The following GRIK2 variants were observed in gnomAD, a reference collection of about 807,000 sequenced individuals.
GRIK2 encodes glutamate receptor ionotropic, kainate 2.
A neutral mutation model predicts 100.3 loss-of-function variants in GRIK2; 32 were observed. The ratio of observed to expected loss-of-function variants is 0.32; its 90% confidence interval spans 0.24 to 0.43. The LOEUF is 0.43. Ranked by LOEUF, GRIK2 falls within the 20% of genes least tolerant of loss-of-function variation. The pLI is 1.00. For synonymous variants in GRIK2, 417 were observed against 389.4 expected, an observed-to-expected ratio of 1.07 and a Z score of -0.83; for missense variants, 843 against 1,114.9, an observed-to-expected ratio of 0.76 and a Z score of 3.47.
intron 2 of GRIK2, among the ~76,000 whole-genome samples, chr6:101,530,774 C>G (rs1264011582): frequency 6.6e-6 from 1 of 151,878 alleles, no homozygotes; most frequent in Admixed American, 6.6e-5. Flanking sequence ...CAATAATCTA[C>G]AGAGGCAAAC....
chr6:101,478,512 T>G (rs1438012715), intron 2 of GRIK2, among the ~76,000 whole-genome samples: 2 of 148,906 alleles, frequency 1.3e-5, no homozygotes, highest in African/African-American at 4.9e-5. Flanking sequence ...TTTGGTTTTT[T>G]TTTTTTTTTT....
intron 16 of GRIK2, among the ~76,000 whole-genome samples, chr6:102,056,934 C>T (rs1380146496): frequency 1.3e-5 from 2 of 151,902 alleles, no homozygotes; most frequent in African/African-American, 4.8e-5. Context: ...GATTTGTTTT[C>T]ACAACACATT....
intron 14 of GRIK2, among the ~76,000 whole-genome samples, chr6:101,961,916 C>T (rs1297358703): frequency 6.6e-6 from 1 of 152,120 alleles, no homozygotes; most frequent in East Asian, 1.9e-4. Context: ...ATGTGCCCAA[C>T]TGGTATGGCA....
intron 11 of GRIK2, among the ~76,000 whole-genome samples, chr6:101,884,158 C>T (rs73496645): frequency 0.064 from 9,742 of 152,076 alleles, 759 homozygotes; most frequent in African/African-American, 0.19. Context: ...TCACATTATG[C>T]ATTGTGGAGA....
chr6:101,407,001 A>G (rs1027633721), intron 2 of GRIK2, among the ~76,000 whole-genome samples: 1 of 152,158 alleles, frequency 6.6e-6, no homozygotes, highest in Non-Finnish European at 1.5e-5. Context: ...GCTCAGTCTC[A>G]GTCTAAGTCC....
At chr6:101,590,333 C>CA (rs745353022) in intron 2 of GRIK2, among the ~76,000 whole-genome samples, 42 of 152,168 alleles carry the variant, frequency 2.8e-4, no homozygotes, top group South Asian at 1.9e-3. Flanking sequence ...CATTGGAGAG[C>CA]AATGTACAGT....
chr6:101,394,785 C>G (rs1172643894), intron 1 of GRIK2, among the ~76,000 whole-genome samples: 2 of 152,140 alleles, frequency 1.3e-5, no homozygotes, highest in African/African-American at 4.8e-5. Flanking sequence ...ACCAAGGCAG[C>G]CTATCAACTT....
At chr6:101,528,489 T>C (rs1425756680) in intron 2 of GRIK2, among the ~76,000 whole-genome samples, 1 of 152,094 alleles carries the variant, frequency 6.6e-6, no homozygotes, top group African/African-American at 2.4e-5. Context: ...ACTTTTTAGG[T>C]TTTCAAATTT....
At chr6:101,661,510 G>A (rs1769610103) in intron 4 of GRIK2, among the ~76,000 whole-genome samples, 1 of 151,998 alleles carries the variant, frequency 6.6e-6, no homozygotes, top group Non-Finnish European at 1.5e-5. Context: ...CATTGCAGGT[G>A]TCACTGTGGT....
chr6:102,031,327 C>T (rs1420953830), intron 14 of GRIK2, among the ~76,000 whole-genome samples: 2 of 151,232 alleles, frequency 1.3e-5, no homozygotes, highest in African/African-American at 4.8e-5. Flanking sequence ...CTCACTGCTC[C>T]TATGATTAAG....
rs1444260399 is a variant in GRIK2, at chr6:101,572,756, T to C, written c.116-49193T>C. Among the ~76,000 whole-genome samples the C allele has an allele frequency of 3.3e-4, 42 of 126,822 alleles. 1 individual carries two copies. Among genetic ancestry groups the C allele is most frequent in the African/African-American group, 1.1e-3 (25 of 22,476 alleles). The allele number at this position is 126,822 out of a possible 152,430, so 83.2% of individuals were successfully genotyped here. On this transcript the variant is annotated intron_variant, in intron 2 of 16. Transcript: ENST00000369134. Reference sequence around the variant, plus strand: ...TCTTGTACTTGGCCTCAGTTTCTTTTTTTTTTTTTTTTTTTAGAATCACTT... The same window carrying C: ...TCTTGTACTTGGCCTCAGTTTCTTTCTTTTTTTTTTTTTTTAGAATCACTT...
chr6:102,023,715 T>C (rs1049285284), intron 14 of GRIK2, among the ~76,000 whole-genome samples: 2 of 151,484 alleles, frequency 1.3e-5, no homozygotes, highest in Admixed American at 1.3e-4. Context: ...CTCTTGTTAG[T>C]ACCACTTTTT....
chr6:101,519,487 C>T (rs1440502689), intron 2 of GRIK2, among the ~76,000 whole-genome samples: 1 of 151,948 alleles, frequency 6.6e-6, no homozygotes, highest in Non-Finnish European at 1.5e-5. Context: ...CACAGTGTTC[C>T]TTGAGTCACA....
At chr6:101,874,394 A>T (rs1785659017) in intron 11 of GRIK2, among the ~76,000 whole-genome samples, 1 of 152,110 alleles carries the variant, frequency 6.6e-6, no homozygotes, top group Non-Finnish European at 1.5e-5. Context: ...TTTGTCAAAG[A>T]TCAAATGGTT....
intron 7 of GRIK2, among the ~76,000 whole-genome samples, chr6:101,762,698 A>C (rs73761414): frequency 0.057 from 8,666 of 152,238 alleles, 648 homozygotes; most frequent in African/African-American, 0.18. Context: ...TGGTGTCATT[A>C]AGTACGTGCC....
chr6:101,668,712 G>A (rs1450103555), intron 4 of GRIK2, among the ~76,000 whole-genome samples: 1 of 152,150 alleles, frequency 6.6e-6, no homozygotes, highest in Admixed American at 6.6e-5. Flanking sequence ...AAGCCAGGTG[G>A]CAAATCACTA....
rs762608810 is a variant in GRIK2, at chr6:101,676,807, A to G, written c.723+3A>G. On this transcript the variant is annotated splice_donor_region_variant and intron_variant, in intron 5 of 16. Transcript: ENST00000369134. ...TGGCAGCAGGCATTTTAAAACAGGT[A>G]ACCTTTAAATTACTTCAATTCTTGT... 4 of 1,562,608 alleles carry G rather than the reference A, an allele frequency of 2.6e-6. No individual in the cohort carries two copies. The highest frequency in any genetic ancestry group is 2.6e-6 in the Non-Finnish European group (3 of 1,143,480).
chr6:101,468,526 A>G (rs1383526632), intron 2 of GRIK2, among the ~76,000 whole-genome samples: 1 of 148,262 alleles, frequency 6.7e-6, no homozygotes, highest in East Asian at 2.0e-4. Context: ...AGTTAGGTTA[A>G]AAAAAAAAAG....
intron 14 of GRIK2, among the ~76,000 whole-genome samples, chr6:102,032,054 G>C (rs552787798): frequency 6.6e-6 from 1 of 151,332 alleles, no homozygotes; most frequent in East Asian, 2.0e-4. Context: ...TGGGTATGGG[G>C]GATTATGACC....
Sources: allele counts gnomAD v4.1 joint callset (sites outside exome capture counted in the v4.1 genomes callset), GRCh38; gene constraint gnomAD v4.1.1; transcripts MANE v1.5; gene names NCBI Gene and HGNC (gene_info 2026-07-23, HGNC 2026-07-21).